Variants in PER2 observed in about 807,000 individuals in gnomAD.
PER2 encodes period circadian regulator 2.
In PER2, 66 loss-of-function variants were observed where a neutral mutation model predicts 121.0. The ratio of observed to expected loss-of-function variants is 0.55; its 90% CI spans 0.45 to 0.67. The LOEUF is 0.67. Ranked by LOEUF, PER2 falls within the 30% of genes least tolerant of loss-of-function variation. The probability of loss-of-function intolerance (pLI) is 0.00; values close to 1 mark genes in which losing one functional copy is unlikely to be tolerated. For synonymous variants in PER2, 684 were observed against 659.9 expected (o/e 1.04, Z -0.56); for missense variants, 1,521 against 1,635.0 (o/e 0.93, Z 1.20).
Position 238,253,531 on chromosome 2 carries a change from C to T in PER2, c.2492G>A (p.Trp831Ter). 1.2e-6 allele frequency: 2 copies of T among 1,611,264 alleles called. No individual in the cohort carries two copies. The highest frequency in any genetic ancestry group is 1.7e-6 in the Non-Finnish European group (2 of 1,179,092). ...GGACTGGGACGTGTCTGAGGGTGAC[C>T]AGGCTGTGGCGTTCAAGCCCACCAG... ...PPLVGLNATA[W>*]SPSDTSQSSC... is the part of the protein sequence containing the mutation. Residue 831 changes from tryptophan to a stop codon, truncating the protein, a stop_gained, in exon 19 of 23, where the codon TGG (tryptophan) becomes TAG (stop). Coordinates refer to ENST00000254657, the MANE Select transcript of PER2 (RefSeq NM_022817.3). LOFTEE classifies it high-confidence loss of function. The surrounding 1 kb of genome is among the most constrained non-coding windows in gnomAD (Gnocchi z 5.6).
Position 238,253,217 on chromosome 2 carries a change from T to C in PER2, c.2806A>G (p.Thr936Ala), listed in dbSNP as rs1244478900. ...GCAGAGGCCATCTCGGATGTGAGTG[T>C]GGGGTGGCTCGGAAACTGAGGCTGG... Reference protein sequence around the residue: ...PSQPQFPSHPTLTSEMASASQ... With the variant: ...PSQPQFPSHPALTSEMASASQ... The change falls in exon 19 of 23, where the codon ACA becomes GCA. Residue 936 changes from threonine to alanine, a missense_variant. Coordinates refer to ENST00000254657, the MANE Select transcript of PER2 (RefSeq NM_022817.3). The surrounding 1 kb of genome is among the most constrained non-coding windows in gnomAD (Gnocchi z 5.6). The C allele has an allele frequency of 6.3e-7, 1 of 1,597,354 alleles. No individual in the cohort carries two copies. Among genetic ancestry groups the C allele is most frequent in the Non-Finnish European group, 8.5e-7 (1 of 1,170,256 alleles).
At chr2:238,295,204 A>AGTTGTT in the PER2 span, among the ~76,000 whole-genome samples, 1,496 of 148,778 alleles carry the variant, frequency 0.01, 36 homozygotes, top group African/African-American at 0.037. Flanking sequence ...GAAGCAACAA[A>AGTTGTT]GTTGTTGTTG....
chr2:238,267,321 A>G (rs1291547302), intron 8 of PER2, among the ~76,000 whole-genome samples: 1 of 152,218 alleles, frequency 6.6e-6, no homozygotes, highest in African/African-American at 2.4e-5. Flanking sequence ...ATGCCTTGTA[A>G]CCTCTGAGCT....
chr2:238,286,765 G>A (rs369057811), intron 1 of PER2, among the ~76,000 whole-genome samples: 4 of 152,224 alleles, frequency 2.6e-5, no homozygotes, highest in African/African-American at 7.2e-5. Flanking sequence ...GTGGTTTGCC[G>A]AGTCCTGGTG....
intron 16 of PER2, 99 bp from the exon 17 acceptor site, chr2:238,257,185 G>C (rs1004888310): frequency 5.5e-6 from 6 of 1,083,224 alleles, no homozygotes; most frequent in Non-Finnish European, 6.7e-6. Flanking sequence ...TTCCACACCA[G>C]GGTGCACACA....
At chr2:238,276,851 G>A (rs532472278) in intron 3 of PER2, among the ~76,000 whole-genome samples, 81 of 152,284 alleles carry the variant, frequency 5.3e-4, no homozygotes, top group African/African-American at 1.8e-3. Context: ...GGTGAAGAAT[G>A]TTCCAGATGA....
chr2:238,267,183 T>C (rs958187206), intron 8 of PER2, among the ~76,000 whole-genome samples: 3 of 152,100 alleles, frequency 2.0e-5, no homozygotes, highest in African/African-American at 4.8e-5. Context: ...GGAGATCATG[T>C]GACTCGCTCA....
chr2:238,256,030 G>C, intron 17 of PER2, 119 bp from the exon 18 acceptor site: 1 of 1,270,140 alleles, frequency 7.9e-7, no homozygotes, highest in Non-Finnish European at 1.1e-6. Flanking sequence ...TGATGCCTGT[G>C]GCATGAGGAT....
In PER2 at chr2:238,268,963, G is replaced by C. The variant is rs1188297815; in HGVS notation, c.784C>G (p.Gln262Glu). ...AAAGATTTCTCCTCCATGCATTCTT[G>C]AGTAAAAGAATCTAAAAGAGAGAGC... ...SMCSGADSFT[Q>E]ECMEEKSFFC... Residue 262 changes from glutamine (Q) to glutamate (E), a missense_variant, in exon 7 of 23, where the codon CAA becomes GAA. Gln to Glu is a conservative substitution (Grantham distance 29). Transcript: ENST00000254657. The surrounding 1 kb of genome is among the most constrained non-coding windows in gnomAD (Gnocchi z 4.0). 1 of 1,611,262 alleles carries C rather than the reference G, an allele frequency of 6.2e-7. No homozygotes were observed. Among genetic ancestry groups the C allele is most frequent in the Non-Finnish European group, 8.5e-7 (1 of 1,177,330 alleles).
intron 17 of PER2, 136 bp from the exon 18 acceptor site, chr2:238,256,047 C>CA: frequency 8.8e-7 from 1 of 1,131,760 alleles, no homozygotes; most frequent in Non-Finnish European, 1.3e-6. Flanking sequence ...GGATGAGACT[C>CA]ACAGCGTTTT....
chr2:238,294,157 G>T (rs956176865), upstream of PER2, among the ~76,000 whole-genome samples: 1 of 152,188 alleles, frequency 6.6e-6, no homozygotes, highest in East Asian at 1.9e-4. Context: ...ATCGGTCAGG[G>T]TGTCATCCTG....
chr2:238,248,878 A>G lies in PER2; in HGVS notation c.3618+184T>C, dbSNP rs1366347934. 5.8e-6 allele frequency: 4 copies of G among 694,168 alleles called. No homozygotes were observed. The East Asian group carries it at 8.6e-5, about 15-fold the overall frequency. 43.0% of individuals were successfully genotyped at this position (694,168 alleles called of 1,614,324 possible). Reference sequence around the variant, plus strand: ...CACCGTGTTTGCCAGGATGGTCTCGATCTCCTGACCTCGTGATCCACCCGC... The same window carrying G: ...CACCGTGTTTGCCAGGATGGTCTCGGTCTCCTGACCTCGTGATCCACCCGC... On this transcript the variant is annotated intron_variant, in intron 22 of 22. Transcript: ENST00000254657.
chr2:238,265,937 TG>T (rs1393725745), intron 8 of PER2, among the ~76,000 whole-genome samples: 1 of 151,802 alleles, frequency 6.6e-6, no homozygotes, highest in East Asian at 1.9e-4. Flanking sequence ...AGAGTCTTGC[TG>T]CGTTGCCCAG....
intron 1 of PER2, among the ~76,000 whole-genome samples, chr2:238,279,494 C>T (rs891502102): frequency 6.6e-6 from 1 of 152,210 alleles, no homozygotes; most frequent in Admixed American, 6.5e-5. Flanking sequence ...CACCCAGGCT[C>T]AGCTGTGTGG....
intron 1 of PER2, among the ~76,000 whole-genome samples, chr2:238,286,599 T>C (rs1426384798): frequency 6.6e-6 from 1 of 152,186 alleles, no homozygotes; most frequent in African/African-American, 2.4e-5. Context: ...TCCAGAAGTG[T>C]GGCGACAGTC....
chr2:238,289,008 T>C (rs1198918103), upstream of PER2: 1 of 152,190 alleles, frequency 6.6e-6, no homozygotes, highest in Non-Finnish European at 1.5e-5. Context: ...GTGCTACCCG[T>C]CGTCCTCCCT....
intron 12 of PER2, 70 bp from the exon 13 acceptor site, chr2:238,261,023 ACACAC>A: frequency 6.4e-7 from 1 of 1,567,560 alleles, no homozygotes; most frequent in Non-Finnish European, 8.7e-7. Context: ...CCCCCTGCCA[ACACAC>A]CCTGTTTCGC....
At chr2:238,251,798 CTCAG>C (rs1559322385) in intron 19 of PER2, 37 bp from the exon 20 acceptor site, 1 of 1,135,186 alleles carries the variant, frequency 8.8e-7, no homozygotes, top group Admixed American at 1.9e-5. Flanking sequence ...TGTTCAGGGG[CTCAG>C]TCAGGACACA....
chr2:238,263,034 T>C lies in PER2; in HGVS notation c.1071A>G (p.Leu357=). ...CTGGGGTTTCAATCAGGTCCTGAGG[T>C]AGGTAGCCCAGGAGAGGGACCGCCC... The part of the protein sequence containing the change: ...DERAVPLLGY[L]PQDLIETPVL... The change falls in exon 10 of 23, where the codon CTA becomes CTG. Residue 357 remains leucine, a synonymous_variant. Transcript: ENST00000254657. 1 of 1,613,678 alleles carries C rather than the reference T, an allele frequency of 6.2e-7. No individual in the cohort carries two copies. Among genetic ancestry groups the C allele is most frequent in the Non-Finnish European group, 8.5e-7 (1 of 1,179,676 alleles).
Sources: gnomAD v4.1 joint callset for allele counts (sites outside exome capture counted in the v4.1 genomes callset) on GRCh38, gnomAD v4.1.1 for gene constraint, Gnocchi (gnomAD v3.1) non-coding constraint, MANE v1.5 for transcripts, NCBI Gene and HGNC (gene_info 2026-07-23, HGNC 2026-07-21) for gene names.